PCDHB11: variants seen among roughly 807,000 people sequenced by gnomAD.
PCDHB11 encodes the protein protocadherin beta 11.
For synonymous variants in PCDHB11, 522 were observed against 442.0 expected, an observed-to-expected ratio of 1.18 and a Z score of -2.27; for missense variants, 1,151 against 1,003.4, an observed-to-expected ratio of 1.15 and a Z score of -1.99.
At position 141,202,559 on chromosome 5, in the gene PCDHB11, G is replaced by A. The variant is rs373862392; in HGVS notation, c.*391G>A. The A allele has an allele frequency of 3.2e-5, 5 of 157,918 alleles. No homozygotes were observed. The highest frequency in any genetic ancestry group is 5.5e-5 in the Non-Finnish European group (4 of 72,198). 9.8% of individuals were successfully genotyped at this position (157,918 alleles called of 1,614,324 possible). A position where few individuals can be genotyped will look rare whatever the true frequency, so the allele number is the denominator to read the frequency against. ...TTGACCTCATGTTCCACCCGCCACG[G>A]CCTCCCAAAGTGCTGTGATTACCGG... On this transcript the variant is annotated 3_prime_UTR_variant, in exon 1 of 1. Coordinates refer to ENST00000354757, the MANE Select transcript of PCDHB11 (RefSeq NM_018931.3).
chr5:141,201,304 C>A lies in PCDHB11; in HGVS notation c.1530C>A (p.Asn510Lys). 1.9e-6 allele frequency: 3 copies of A among 1,613,638 alleles called. No homozygotes were observed. The highest frequency in any genetic ancestry group is 2.5e-6 in the Non-Finnish European group (3 of 1,180,034). ...LASLVSINTD[N>K]GHLFALRSLD... Reference sequence around the variant, plus strand: ...CCCTGGTCTCCATCAACACAGACAACGGCCACCTGTTCGCCCTCAGGTCGC... The same window carrying A: ...CCCTGGTCTCCATCAACACAGACAAAGGCCACCTGTTCGCCCTCAGGTCGC... The change falls in exon 1 of 1, where the codon AAC becomes AAA. Residue 510 changes from asparagine (N) to lysine (K), a missense_variant. Coordinates refer to ENST00000354757, the MANE Select transcript of PCDHB11 (RefSeq NM_018931.3).
rs782770288 is a variant in PCDHB11 at position 141,200,870 on chromosome 5, A to G, written c.1096A>G (p.Met366Val). The G allele has an allele frequency of 6.2e-7, 1 of 1,614,210 alleles. No individual in the cohort carries two copies. The highest frequency in any genetic ancestry group is 8.5e-7 in the Non-Finnish European group (1 of 1,180,046). The part of the protein sequence containing the change: ...IPENTPETVV[M>V]VFSIQDIDSG... ...AGAAAATACGCCAGAGACCGTGGTT[A>G]TGGTTTTTAGTATCCAAGATATAGA... The change falls in exon 1 of 1, where the codon ATG (methionine) becomes GTG (valine). Residue 366 changes from methionine (M) to valine (V), a missense_variant. Met to Val is a conservative substitution (Grantham distance 21). Transcript: ENST00000354757.
chr5:141,200,932 G>A lies in PCDHB11; in HGVS notation c.1158G>A (p.Pro386=), dbSNP rs57445845. 7.2e-4 allele frequency: 1,159 copies of A among 1,614,084 alleles called. 3 individuals are homozygous for A. In the African/African-American group the frequency reaches 0.013, roughly 17 times the overall value. ...GDNGRIVCSI[P]EDLPFVLKSS... Reference sequence around the variant, plus strand: ...ACGGAAGAATTGTTTGTTCCATTCCGGAAGACCTCCCATTCGTGCTAAAAT... The same window carrying A: ...ACGGAAGAATTGTTTGTTCCATTCCAGAAGACCTCCCATTCGTGCTAAAAT... The change falls in exon 1 of 1, where the codon CCG becomes CCA. Residue 386 remains proline, a synonymous_variant. Transcript: ENST00000354757.
rs141725405 is a variant in PCDHB11, at chr5:141,201,370, C to A, written c.1596C>A (p.Gly532=). 748 of 1,612,714 alleles carry A rather than the reference C, an allele frequency of 4.6e-4. 1 individual carries two copies. In the African/African-American group the frequency reaches 8.8e-3, roughly 19 times the overall value. Reference sequence around the variant, plus strand: ...TGCAGGCTTTCGACTTCCGCGTGGGCGCCACAGACCGCGGCTCCCCGGCTT... The same window carrying A: ...TGCAGGCTTTCGACTTCCGCGTGGGAGCCACAGACCGCGGCTCCCCGGCTT... ...EALQAFDFRV[G]ATDRGSPALS... is the part of the protein sequence containing the mutation. The change falls in exon 1 of 1, where the codon GGC becomes GGA. Residue 532 remains glycine, a synonymous_variant. Transcript: ENST00000354757.
At position 141,200,687 on chromosome 5, in the gene PCDHB11, G is replaced by C; in HGVS notation, c.913G>C (p.Ala305Pro). 6.2e-7 allele frequency: 1 copy of C among 1,614,154 alleles called. No individual in the cohort carries two copies. The highest frequency in any genetic ancestry group is 8.5e-7 in the Non-Finnish European group (1 of 1,180,040). ...AAAGTCTGGAGAAATTACTTTAAGA[G>C]CACCTCTGGATTTTGAAACGATTGA... ...NQKSGEITLR[A>P]PLDFETIESY... The change falls in exon 1 of 1, where the codon GCA becomes CCA. Residue 305 changes from alanine to proline, a missense_variant. By Grantham distance (27) the Ala-to-Pro change is conservative (BLOSUM62 -1). Coordinates refer to ENST00000354757, the MANE Select transcript of PCDHB11 (RefSeq NM_018931.3).
Position 141,200,513 on chromosome 5 carries a change from T to A in PCDHB11, c.739T>A (p.Tyr247Asn). Residue 247 changes from tyrosine (Y) to asparagine (N), a missense_variant, in exon 1 of 1, where the codon TAT (tyrosine) becomes AAT (asparagine). Transcript: ENST00000354757. ...DNSPEFEQAF[Y>N]EVKIRENSIL... The stretch of plus-strand genomic sequence containing the variant: ...CTCCCCTGAATTTGAGCAGGCTTTT[T>A]ATGAGGTGAAGATTCGGGAGAATAG... 2.5e-6 allele frequency: 4 copies of A among 1,614,172 alleles called. No homozygotes were observed. Among genetic ancestry groups the A allele is most frequent in the Non-Finnish European group, 2.5e-6 (3 of 1,180,040 alleles).
Position 141,199,857 on chromosome 5 carries a change from C to G in PCDHB11, c.83C>G (p.Ser28Cys). 1 of 1,614,170 alleles carries G rather than the reference C, an allele frequency of 6.2e-7. No homozygotes were observed. The highest frequency in any genetic ancestry group is 8.5e-7 in the Non-Finnish European group (1 of 1,180,040). The change falls in exon 1 of 1, where the codon TCT becomes TGT. Residue 28 changes from serine to cysteine, a missense_variant. Physicochemically the swap from Ser to Cys is moderately radical, Grantham distance 112 (BLOSUM62 -1). Transcript: ENST00000354757. ...TTGCTCGGAATGTCTCAGGCGGGCT[C>G]TGAAACCTGGAGCTTTTCTGTGGCA... ...FVLLGMSQAG[S>C]ETWSFSVAEE... is the part of the protein sequence containing the mutation.
chr5:141,200,347 C>T lies in PCDHB11; in HGVS notation c.573C>T (p.Tyr191=), dbSNP rs145237644. 4.6e-5 allele frequency: 74 copies of T among 1,614,010 alleles called. No individual in the cohort carries two copies. Among genetic ancestry groups the T allele is most frequent in the Non-Finnish European group, 5.8e-5 (68 of 1,180,032 alleles). The change falls in exon 1 of 1, where the codon TAC becomes TAT. Residue 191 remains tyrosine, a synonymous_variant. Coordinates refer to ENST00000354757, the MANE Select transcript of PCDHB11 (RefSeq NM_018931.3). ...KMRVIPDNRK[Y]PELVLDKALD... ...GAGTCATTCCAGACAATAGGAAATA[C>T]CCCGAGTTAGTTCTGGACAAGGCGC...
Position 141,202,781 on chromosome 5 carries a change from C to A in PCDHB11, c.*613C>A, listed in dbSNP as rs1231281028. ...CGTGCGCCACCATGCCCGGCTACTT[C>A]TTGTATTTTTTGTAGAGACGGATCG... On this transcript the variant is annotated 3_prime_UTR_variant, in exon 1 of 1. Coordinates refer to ENST00000354757, the MANE Select transcript of PCDHB11 (RefSeq NM_018931.3). 2 of 151,920 alleles carry A rather than the reference C, an allele frequency of 1.3e-5. No individual in the cohort carries two copies. The highest frequency in any genetic ancestry group is 3.9e-4 in the East Asian group (2 of 5,150). 9.4% of individuals were successfully genotyped at this position (151,920 alleles called of 1,614,324 possible). A position where few individuals can be genotyped will look rare whatever the true frequency, so the allele number is the denominator to read the frequency against.
Position 141,201,448 on chromosome 5 carries a change from GC to G in PCDHB11, c.1677del (p.Phe560SerfsTer27), listed in dbSNP as rs1563966987. On this transcript the variant is annotated frameshift_variant, in exon 1 of 1. Transcript: ENST00000354757. LOFTEE classifies it low-confidence loss of function (END_TRUNC). Reference sequence around the variant, plus strand: ...TGGTGCTGGACGCCAACGACAACTCGCCCTTCGTGCTGTACCCGCTGCAGAA... The same window carrying G: ...TGGTGCTGGACGCCAACGACAACTCGCCTTCGTGCTGTACCCGCTGCAGAA... Reference protein sequence around the residue: ...VLVLDANDNSPFVLYPLQNGS... With the variant: ...VLVLDANDNSXFVLYPLQNGS... The G allele has an allele frequency of 1.9e-6, 3 of 1,611,096 alleles. No individual in the cohort carries two copies. In the African/African-American group the frequency reaches 4.0e-5, roughly 22 times the overall value.
chr5:141,199,839 G>T lies in PCDHB11; in HGVS notation c.65G>T (p.Gly22Val), dbSNP rs114943056. 2 of 1,614,198 alleles carry T rather than the reference G, an allele frequency of 1.2e-6. No homozygotes were observed. The highest frequency in any genetic ancestry group is 2.2e-5 in the South Asian group (2 of 91,086). ...RQVLLLFVLL[G>V]MSQAGSETWS... ...GTCCTGCTTCTCTTTGTTTTGCTCGGAATGTCTCAGGCGGGCTCTGAAACC... is the reference window on the plus strand; with the variant it reads ...GTCCTGCTTCTCTTTGTTTTGCTCGTAATGTCTCAGGCGGGCTCTGAAACC... The change falls in exon 1 of 1, where the codon GGA becomes GTA. Residue 22 changes from glycine (G) to valine (V), a missense_variant. Coordinates refer to ENST00000354757, the MANE Select transcript of PCDHB11 (RefSeq NM_018931.3).
rs782664719 is a variant in PCDHB11, at chr5:141,201,155, C to G, written c.1381C>G (p.Arg461Gly). The G allele has an allele frequency of 3.7e-6, 6 of 1,613,794 alleles. No individual in the cohort carries two copies. The African/African-American group carries it at 4.0e-5, about 11-fold the overall frequency. The change falls in exon 1 of 1, where the codon CGC (arginine) becomes GGC (glycine). Residue 461 changes from arginine (R) to glycine (G), a missense_variant. Coordinates refer to ENST00000354757, the MANE Select transcript of PCDHB11 (RefSeq NM_018931.3). ...FTQTSYTLFV[R>G]ENNSPALHIG... is the part of the protein sequence containing the mutation. ...CCAAACCTCCTACACCCTGTTCGTCCGCGAGAACAACAGCCCCGCCCTGCA... is the reference window on the plus strand; with the variant it reads ...CCAAACCTCCTACACCCTGTTCGTCGGCGAGAACAACAGCCCCGCCCTGCA...
At position 141,202,328 on chromosome 5, in the gene PCDHB11, C is replaced by G. The variant is rs1320781133; in HGVS notation, c.*160C>G. 7 of 646,224 alleles carry G rather than the reference C, an allele frequency of 1.1e-5. No individual in the cohort carries two copies. The South Asian group carries it at 1.3e-4, about 12-fold the overall frequency. The allele number at this position is 646,224 out of a possible 1,614,324, so 40.0% of individuals were successfully genotyped here. On this transcript the variant is annotated 3_prime_UTR_variant, in exon 1 of 1. Transcript: ENST00000354757. ...TTTTTTTTTTTTTTTGAGACCGAGT[C>G]TCATTCTGTCGCCCTGGCTGGAGTG...
In PCDHB11 at chr5:141,199,695, A is replaced by C. The variant is rs2149672894; in HGVS notation, c.-80A>C. 1 of 1,269,648 alleles carries C rather than the reference A, an allele frequency of 7.9e-7. No individual in the cohort carries two copies. Among genetic ancestry groups the C allele is most frequent in the East Asian group, 2.3e-5 (1 of 42,932 alleles). 78.6% of individuals were successfully genotyped at this position (1,269,648 alleles called of 1,614,324 possible). A position where few individuals can be genotyped will look rare whatever the true frequency, so the allele number is the denominator to read the frequency against. Reference sequence around the variant, plus strand: ...TCAACAGGGTTAAAATCCTTAGACCACAGAGGATTTGGTGGACAAGTCAGA... The same window carrying C: ...TCAACAGGGTTAAAATCCTTAGACCCCAGAGGATTTGGTGGACAAGTCAGA... On this transcript the variant is annotated 5_prime_UTR_variant, in exon 1 of 1. Coordinates refer to ENST00000354757, the MANE Select transcript of PCDHB11 (RefSeq NM_018931.3).
rs782702317 is a variant in PCDHB11, at chr5:141,201,144, C to A, written c.1370C>A (p.Thr457Asn). ...NAPTFTQTSY[T>N]LFVRENNSPA... ...CCCACCTTCACCCAAACCTCCTACA[C>A]CCTGTTCGTCCGCGAGAACAACAGC... is the stretch of plus-strand genomic sequence containing the variant. Residue 457 changes from threonine to asparagine, a missense_variant, in exon 1 of 1, where the codon ACC (threonine) becomes AAC (asparagine). Thr to Asn is a moderately conservative substitution (Grantham distance 65, BLOSUM62 0). Transcript: ENST00000354757. The A allele has an allele frequency of 4.3e-6, 7 of 1,613,900 alleles. No homozygotes were observed. Among genetic ancestry groups the A allele is most frequent in the Non-Finnish European group, 5.9e-6 (7 of 1,180,044 alleles).
In PCDHB11 at chr5:141,199,995, G is replaced by A. The variant is rs1554285187; in HGVS notation, c.221G>A (p.Arg74His). Residue 74 changes from arginine to histidine, a missense_variant, in exon 1 of 1, where the codon CGT becomes CAT. By Grantham distance (29) the Arg-to-His change is conservative. Transcript: ENST00000354757. Reference sequence around the variant, plus strand: ...GTGGTCTCTAATGATAAGAAACAGCGTTTGCAGCTGGACATAAACACTGGG... The same window carrying A: ...GTGGTCTCTAATGATAAGAAACAGCATTTGCAGCTGGACATAAACACTGGG... Reference protein sequence around the residue: ...ARVVSNDKKQRLQLDINTGDL... With the variant: ...ARVVSNDKKQHLQLDINTGDL... The A allele has an allele frequency of 6.2e-7, 1 of 1,614,114 alleles. No homozygotes were observed. The highest frequency in any genetic ancestry group is 1.1e-5 in the South Asian group (1 of 91,080).
chr5:141,201,631 G>C lies in PCDHB11; in HGVS notation c.1857G>C (p.Ala619=), dbSNP rs782151577. The change falls in exon 1 of 1, where the codon GCG becomes GCC. Residue 619 remains alanine (A), a synonymous_variant. Transcript: ENST00000354757. ...ATEPGLFGVW[A]HNGEVRTARL... ...AGCCCGGGCTATTCGGCGTGTGGGC[G>C]CACAATGGCGAGGTGCGCACCGCCA... is the stretch of plus-strand genomic sequence containing the variant. 9 of 1,607,154 alleles carry C rather than the reference G, an allele frequency of 5.6e-6. No individual in the cohort carries two copies. The highest frequency in any genetic ancestry group is 1.1e-5 in the South Asian group (1 of 90,906).
At position 141,201,202 on chromosome 5, in the gene PCDHB11, A is replaced by C; in HGVS notation, c.1428A>C (p.Thr476=). ...TGCACATCGGCAGTGTCAGCGCTAC[A>C]GACAGAGACTCAGGCACCAACGCCC... The part of the protein sequence containing the change: ...PALHIGSVSA[T]DRDSGTNAQV... The change falls in exon 1 of 1, where the codon ACA becomes ACC. Residue 476 remains threonine (T), a synonymous_variant. Transcript: ENST00000354757. 1 of 1,613,204 alleles carries C rather than the reference A, an allele frequency of 6.2e-7. No homozygotes were observed. Among genetic ancestry groups the C allele is most frequent in the South Asian group, 1.1e-5 (1 of 91,036 alleles).
Position 141,199,696 on chromosome 5 carries a change from C to T in PCDHB11, c.-79C>T. Reference sequence around the variant, plus strand: ...CAACAGGGTTAAAATCCTTAGACCACAGAGGATTTGGTGGACAAGTCAGAG... The same window carrying T: ...CAACAGGGTTAAAATCCTTAGACCATAGAGGATTTGGTGGACAAGTCAGAG... On this transcript the variant is annotated 5_prime_UTR_variant, in exon 1 of 1. Coordinates refer to ENST00000354757, the MANE Select transcript of PCDHB11 (RefSeq NM_018931.3). 2 of 1,290,200 alleles carry T rather than the reference C, an allele frequency of 1.6e-6. No individual in the cohort carries two copies. The highest frequency in any genetic ancestry group is 2.2e-6 in the Non-Finnish European group (2 of 925,126). 79.9% of individuals were successfully genotyped at this position (1,290,200 alleles called of 1,614,324 possible).
Sources: allele counts gnomAD v4.1 joint callset, GRCh38; gene constraint gnomAD v4.1.1; transcripts MANE v1.5; gene names NCBI Gene and HGNC (gene_info 2026-07-23, HGNC 2026-07-21).